Variants in PDZD8 observed in about 807,000 individuals in gnomAD.
The protein encoded by PDZD8 is PDZ domain-containing protein 8.
A neutral mutation model predicts 85.8 loss-of-function variants in PDZD8; 14 were observed. The ratio of observed to expected loss-of-function variants is 0.16; its 90% CI spans 0.11 to 0.26. The LOEUF (loss-of-function observed/expected upper bound fraction) is 0.26, where lower values mean the gene tolerates loss of function less well. PDZD8 is among the 10% of genes least tolerant of loss of function. The pLI is 1.00. For synonymous variants in PDZD8, 592 were observed against 568.6 expected, an observed-to-expected ratio of 1.04 and a Z score of -0.59; for missense variants, 1,197 against 1,424.3, an observed-to-expected ratio of 0.84 and a Z score of 2.57.
intron 1 of PDZD8, among the ~76,000 whole-genome samples, chr10:117,356,108 C>A (rs1482362445): frequency 6.6e-6 from 1 of 152,076 alleles, no homozygotes; most frequent in Non-Finnish European, 1.5e-5. Flanking sequence ...AGATCCAGAT[C>A]TCAGTCTTAT....
At chr10:117,368,916 C>T (rs1468009691) in intron 1 of PDZD8, among the ~76,000 whole-genome samples, 2 of 130,160 alleles carry the variant, frequency 1.5e-5, no homozygotes, top group African/African-American at 2.9e-5. Flanking sequence ...AATACAGTGG[C>T]GCAATCTTGG....
At chr10:117,366,509 T>G (rs2133887842) in intron 1 of PDZD8, among the ~76,000 whole-genome samples, 1 of 152,178 alleles carries the variant, frequency 6.6e-6, no homozygotes, top group South Asian at 2.1e-4. Flanking sequence ...GAATCTTTTC[T>G]GTAAAAGGCC....
At chr10:117,371,241 G>A (rs1325008900) in intron 1 of PDZD8, among the ~76,000 whole-genome samples, 1 of 152,146 alleles carries the variant, frequency 6.6e-6, no homozygotes, top group Admixed American at 6.5e-5. Flanking sequence ...CTGGAGTGCA[G>A]TGGTGCGATA....
Position 117,279,347 on chromosome 10 carries a change from T to C in PDZD8, c.*3921A>G, listed in dbSNP as rs1844546476. 1.3e-5 allele frequency: 2 copies of C among 152,180 alleles called. No individual in the cohort carries two copies. Among genetic ancestry groups the C allele is most frequent in the Admixed American group, 6.5e-5 (1 of 15,278 alleles). 9.4% of individuals were successfully genotyped at this position (152,180 alleles called of 1,614,324 possible). A position where few individuals can be genotyped will look rare whatever the true frequency, so the allele number is the denominator to read the frequency against. ...TACAGATACAAAAACTTTAATGAGG[T>C]AGCAATGAATATTCAACTGTTTGAC... On this transcript the variant is annotated 3_prime_UTR_variant, in exon 5 of 5. Transcript: ENST00000334464.
intron 2 of PDZD8, among the ~76,000 whole-genome samples, chr10:117,338,314 C>T (rs966479603): frequency 6.6e-6 from 1 of 152,228 alleles, no homozygotes; most frequent in South Asian, 2.1e-4. Context: ...CTTTTACATG[C>T]TTGGATTTGT....
intron 1 of PDZD8, among the ~76,000 whole-genome samples, chr10:117,370,791 G>GAA (rs11369291): frequency 3.3e-5 from 5 of 151,278 alleles, no homozygotes; most frequent in Admixed American, 1.3e-4. Flanking sequence ...ACCAATTTAA[G>GAA]AAAAAAAAAT....
rs1444480580 is a variant in PDZD8 at position 117,283,148 on chromosome 10, A to C, written c.*120T>G. The C allele has an allele frequency of 3.0e-6, 3 of 1,002,904 alleles. No homozygotes were observed. The highest frequency in any genetic ancestry group is 2.8e-5 in the Admixed American group (1 of 36,252). 62.1% of individuals were successfully genotyped at this position (1,002,904 alleles called of 1,614,324 possible). A position where few individuals can be genotyped will look rare whatever the true frequency, so the allele number is the denominator to read the frequency against. ...CAACCTTTCTCATTTTTGTTCTTAC[A>C]CAAGCAAGTAACTGGAGAAGCAGGC... On this transcript the variant is annotated 3_prime_UTR_variant, in exon 5 of 5. Transcript: ENST00000334464.
At chr10:117,298,623 A>C (rs1279255693) in intron 3 of PDZD8, among the ~76,000 whole-genome samples, 2 of 152,054 alleles carry the variant, frequency 1.3e-5, no homozygotes, top group Admixed American at 1.3e-4. Context: ...TGATATCAGG[A>C]CTTTATATTC....
At chr10:117,332,025 A>G (rs1844427967) in intron 2 of PDZD8, among the ~76,000 whole-genome samples, 1 of 152,218 alleles carries the variant, frequency 6.6e-6, no homozygotes, top group Non-Finnish European at 1.5e-5. Context: ...CTCAACTTTT[A>G]TTTAACTGCA....
intron 1 of PDZD8, among the ~76,000 whole-genome samples, chr10:117,361,188 G>A (rs1480180738): frequency 6.6e-6 from 1 of 151,778 alleles, no homozygotes; most frequent in African/African-American, 2.4e-5. Context: ...CAAAGGTCTG[G>A]AACATCCAAA....
At chr10:117,315,110 T>G (rs1399608789) in intron 3 of PDZD8, among the ~76,000 whole-genome samples, 1 of 152,184 alleles carries the variant, frequency 6.6e-6, no homozygotes, top group Non-Finnish European at 1.5e-5. Flanking sequence ...CCCATTTTCA[T>G]GGTACCTTCT....
At chr10:117,298,888 C>A (rs1451820181) in intron 3 of PDZD8, among the ~76,000 whole-genome samples, 5 of 152,082 alleles carry the variant, frequency 3.3e-5, no homozygotes, top group African/African-American at 1.2e-4. Flanking sequence ...AGTCAGCCCT[C>A]CATATCCACA....
At chr10:117,342,107 TA>T (rs1732452192) in intron 1 of PDZD8, among the ~76,000 whole-genome samples, 1 of 152,182 alleles carries the variant, frequency 6.6e-6, no homozygotes, top group Non-Finnish European at 1.5e-5. Context: ...AAAGTCCAAC[TA>T]TATAACACCT....
intron 3 of PDZD8, among the ~76,000 whole-genome samples, chr10:117,298,956 C>T (rs1843801035): frequency 1.3e-5 from 2 of 151,950 alleles, no homozygotes; most frequent in Admixed American, 1.3e-4. Context: ...GATACATACG[C>T]AATGAGGCAT....
chr10:117,325,202 G>A (rs542763303), intron 2 of PDZD8, among the ~76,000 whole-genome samples: 24 of 151,902 alleles, frequency 1.6e-4, no homozygotes, highest in Non-Finnish European at 2.2e-4. Flanking sequence ...GTCTTATAGC[G>A]GGGTGAAAAA....
chr10:117,371,508 C>T (rs1845191681), intron 1 of PDZD8, among the ~76,000 whole-genome samples: 1 of 152,166 alleles, frequency 6.6e-6, no homozygotes, highest in Non-Finnish European at 1.5e-5. Context: ...AAACACTGGA[C>T]AGAACAGCTA....
intron 2 of PDZD8, among the ~76,000 whole-genome samples, chr10:117,329,004 C>T (rs1161150790): frequency 6.6e-6 from 1 of 152,136 alleles, no homozygotes; most frequent in Non-Finnish European, 1.5e-5. Flanking sequence ...ACGACATTTG[C>T]TTTAGCTTAA....
chr10:117,338,254 A>T (rs1207048263), intron 2 of PDZD8, among the ~76,000 whole-genome samples: 2 of 152,172 alleles, frequency 1.3e-5, no homozygotes, highest in East Asian at 3.9e-4. Context: ...TCATACACAA[A>T]TAATTCTTAA....
At chr10:117,305,485 C>CAT (rs1284839508) in intron 3 of PDZD8, among the ~76,000 whole-genome samples, 57 of 47,914 alleles carry the variant, frequency 1.2e-3, no homozygotes, top group African/African-American at 2.6e-3. Flanking sequence ...CACACACACA[C>CAT]ACACACACAC....
Sources: allele counts gnomAD v4.1 joint callset (sites outside exome capture counted in the v4.1 genomes callset), GRCh38; gene constraint gnomAD v4.1.1; transcripts MANE v1.5; gene names NCBI Gene and HGNC (gene_info 2026-07-23, HGNC 2026-07-21).